The following RAB18 variants were observed in gnomAD, a reference collection of about 807,000 sequenced individuals.
The protein encoded by RAB18 is RAB18, member RAS oncogene family.
RAB18 carries 10 observed loss-of-function variants against 28.5 expected under a neutral mutation model. That is an observed-to-expected ratio of 0.35 (90% CI 0.22 to 0.60). RAB18 has a LOEUF of 0.60. RAB18 is among the 20% of genes least tolerant of loss of function. RAB18 has a pLI of 0.78. For missense variants in RAB18, 188 were observed against 244.2 expected, an observed-to-expected ratio of 0.77 and a Z score of 1.53; for synonymous variants, 93 against 86.9, an observed-to-expected ratio of 1.07 and a Z score of -0.39.
At position 27,533,942 on chromosome 10, in the gene RAB18, C is replaced by T. The variant is rs769837798; in HGVS notation, c.393C>T (p.Val131=). The change falls in exon 6 of 7, where the codon GTC becomes GTT. Residue 131 remains valine, a synonymous_variant. Coordinates refer to ENST00000356940, the MANE Select transcript of RAB18 (RefSeq NM_021252.5). ...TTATATTTTAGGAAAATCGTGAAGT[C>T]GATAGAAATGAAGGCCTGAAATTTG... ...GNKIDKENRE[V]DRNEGLKFAR... 9.3e-6 allele frequency: 15 copies of T among 1,609,876 alleles called. No homozygotes were observed. Among genetic ancestry groups the T allele is most frequent in the Admixed American group, 1.7e-5 (1 of 59,980 alleles).
At chr10:27,506,943 T>C (rs1837856245) in intron 1 of RAB18, among the ~76,000 whole-genome samples, 1 of 152,230 alleles carries the variant, frequency 6.6e-6, no homozygotes. Context: ...TGTGAAAGGA[T>C]TACATATAGT....
intron 2 of RAB18, among the ~76,000 whole-genome samples, chr10:27,515,622 A>G (rs1306891488): frequency 6.6e-6 from 1 of 152,140 alleles, no homozygotes; most frequent in African/African-American, 2.4e-5. Flanking sequence ...TAATCCCAGC[A>G]CTTTGTGAGG....
At chr10:27,535,111 C>T (rs1374000074) in intron 6 of RAB18, among the ~76,000 whole-genome samples, 1 of 152,140 alleles carries the variant, frequency 6.6e-6, no homozygotes. Flanking sequence ...AGGGAAAGTT[C>T]TTAGAGGCTG....
intron 2 of RAB18, among the ~76,000 whole-genome samples, chr10:27,512,679 G>C (rs12356998): frequency 1.3e-5 from 2 of 152,004 alleles, no homozygotes; most frequent in Admixed American, 1.3e-4. Flanking sequence ...GCCTGAGTAC[G>C]TATTGGTATT....
At chr10:27,518,027 T>C (rs1214111393) in intron 2 of RAB18, among the ~76,000 whole-genome samples, 3 of 152,194 alleles carry the variant, frequency 2.0e-5, no homozygotes, top group Non-Finnish European at 4.4e-5. Flanking sequence ...CTTAGCTTAA[T>C]GCCTTTGAGC....
intron 1 of RAB18, among the ~76,000 whole-genome samples, chr10:27,506,571 C>G (rs1351009543): frequency 6.6e-6 from 1 of 152,118 alleles, no homozygotes; most frequent in African/African-American, 2.4e-5. Context: ...ATCCTCCTGC[C>G]TTGACCTCCC....
intron 3 of RAB18, among the ~76,000 whole-genome samples, chr10:27,530,904 A>G (rs550634644): frequency 1.3e-5 from 2 of 152,096 alleles, no homozygotes; most frequent in Admixed American, 1.3e-4. Flanking sequence ...TTAATGGACT[A>G]CAATATTGAC....
rs768441805 is a variant in RAB18, at chr10:27,526,787, T to A, written c.125-41T>A. On this transcript the variant is annotated intron_variant, in intron 2 of 6. Transcript: ENST00000356940. ...TTCTTGGTAATGGATTTTAAAAGTC[T>A]GTTTTACTGGGAGACTTATCAAAAT... 1.2e-5 allele frequency: 20 copies of A among 1,610,120 alleles called. No individual in the cohort carries two copies. The South Asian group carries it at 2.2e-4, about 18-fold the overall frequency.
At chr10:27,508,317 A>C (rs1380133853) in intron 1 of RAB18, among the ~76,000 whole-genome samples, 1 of 152,260 alleles carries the variant, frequency 6.6e-6, no homozygotes, top group Non-Finnish European at 1.5e-5. Context: ...AAGGATTAGC[A>C]ATTATGAGAG....
Position 27,541,361 on chromosome 10 carries a change from A to G in RAB18, c.*3310A>G. ...ACCCAGGTCTTTTTTTTTTTTTTTAATTTTTCTCTCCTCAGTTGGGAACAT... is the reference window on the plus strand; with the variant it reads ...ACCCAGGTCTTTTTTTTTTTTTTTAGTTTTTCTCTCCTCAGTTGGGAACAT... On this transcript the variant is annotated 3_prime_UTR_variant, in exon 7 of 7. Transcript: ENST00000356940. 7.1e-6 allele frequency: 3 copies of G among 422,036 alleles called. No individual in the cohort carries two copies. Among genetic ancestry groups the G allele is most frequent in the Non-Finnish European group, 1.4e-5 (3 of 216,860 alleles). 26.1% of individuals were successfully genotyped at this position (422,036 alleles called of 1,614,324 possible).
chr10:27,512,464 C>G (rs1834344013), intron 2 of RAB18, among the ~76,000 whole-genome samples: 1 of 152,034 alleles, frequency 6.6e-6, no homozygotes, highest in Non-Finnish European at 1.5e-5. Context: ...CACCACCACA[C>G]CTGGCTAATT....
Position 27,540,584 on chromosome 10 carries a change from T to C in RAB18, c.*2533T>C, listed in dbSNP as rs1835003411. 2.2e-6 allele frequency: 1 copy of C among 454,118 alleles called. No homozygotes were observed. Among genetic ancestry groups the C allele is most frequent in the South Asian group, 1.6e-5 (1 of 64,478 alleles). 28.1% of individuals were successfully genotyped at this position (454,118 alleles called of 1,614,324 possible). Reference sequence around the variant, plus strand: ...TCATGTGACATAAAAGTTAAGGTAGTGGAGTAGGTGGTCTTATTTCTTTCA... The same window carrying C: ...TCATGTGACATAAAAGTTAAGGTAGCGGAGTAGGTGGTCTTATTTCTTTCA... On this transcript the variant is annotated 3_prime_UTR_variant, in exon 7 of 7. Transcript: ENST00000356940.
At chr10:27,530,829 T>G (rs1834773628) in intron 3 of RAB18, among the ~76,000 whole-genome samples, 1 of 151,962 alleles carries the variant, frequency 6.6e-6, no homozygotes, top group Non-Finnish European at 1.5e-5. Context: ...AAATTTGGGT[T>G]TTGATTACTT....
intron 1 of RAB18, 184 bp downstream of exon 1, chr10:27,504,621 G>A: frequency 3.9e-6 from 3 of 776,746 alleles, no homozygotes; most frequent in Admixed American, 2.0e-5. Context: ...CCCCACCCGC[G>A]CCTGCCTGGT....
chr10:27,524,079 C>G lies in RAB18; in HGVS notation c.125-2749C>G, dbSNP rs181554878. Among the ~76,000 whole-genome samples the G allele has an allele frequency of 3.5e-3, 521 of 146,884 alleles. 4 individuals are homozygous for G. The highest frequency in any genetic ancestry group is 0.011 in the African/African-American group (432 of 40,034). The stretch of plus-strand genomic sequence containing the variant: ...TGGCCAACAGAGCAAGACTCCGTCT[C>G]AAAAAAAAAATAAAAATAAAAATTT... On this transcript the variant is annotated intron_variant, in intron 2 of 6. Coordinates refer to ENST00000356940, the MANE Select transcript of RAB18 (RefSeq NM_021252.5).
chr10:27,535,869 G>A (rs1834883978), intron 6 of RAB18, among the ~76,000 whole-genome samples: 1 of 152,094 alleles, frequency 6.6e-6, no homozygotes, highest in Non-Finnish European at 1.5e-5. Flanking sequence ...GGCGGATTAC[G>A]AGGTCAGGAG....
chr10:27,519,638 C>G (rs908931012), intron 2 of RAB18, among the ~76,000 whole-genome samples: 5 of 152,074 alleles, frequency 3.3e-5, no homozygotes, highest in African/African-American at 1.2e-4. Flanking sequence ...ACCTGTAATA[C>G]TGAAAATTAC....
chr10:27,522,030 A>G (rs1834569457), intron 2 of RAB18, among the ~76,000 whole-genome samples: 1 of 152,076 alleles, frequency 6.6e-6, no homozygotes, highest in Non-Finnish European at 1.5e-5. Context: ...TTTGTAATGA[A>G]ACTGTAATTG....
At chr10:27,504,759 G>A (rs912439954) in intron 1 of RAB18, 1 of 594,914 alleles carries the variant, frequency 1.7e-6, no homozygotes, top group Non-Finnish European at 3.3e-6. Context: ...TGGCGGGCTG[G>A]TTTGGGCCCG....
Sources: allele counts gnomAD v4.1 joint callset (sites outside exome capture counted in the v4.1 genomes callset), GRCh38; gene constraint gnomAD v4.1.1; transcripts MANE v1.5; gene names NCBI Gene and HGNC (gene_info 2026-07-23, HGNC 2026-07-21).